Variants in ARHGAP39 observed in about 807,000 individuals in gnomAD.
ARHGAP39 encodes Rho GTPase activating protein 39.
A neutral mutation model predicts 106.9 loss-of-function variants in ARHGAP39; 44 were observed. The ratio of observed to expected loss-of-function variants is 0.41; its 90% CI spans 0.32 to 0.53. The LOEUF (loss-of-function observed/expected upper bound fraction) is 0.53, where lower values mean the gene tolerates loss of function less well. Among genes scored for constraint, ARHGAP39 ranks in the 20% least tolerant of loss-of-function variants. The pLI is 0.21. For missense variants in ARHGAP39, 1,496 were observed against 1,577.3 expected, an observed-to-expected ratio of 0.95 and a Z score of 0.87; for synonymous variants, 768 against 693.2, an observed-to-expected ratio of 1.11 and a Z score of -1.69.
At chr8:144,693,619 C>G in the ARHGAP39 span, among the ~76,000 whole-genome samples, 1 of 151,758 alleles carries the variant, frequency 6.6e-6, no homozygotes, top group Non-Finnish European at 1.5e-5. Context: ...GTGATCCACC[C>G]GCCTCGGCCT....
intron 1 of ARHGAP39, among the ~76,000 whole-genome samples, chr8:144,669,380 G>A (rs1252849338): frequency 1.4e-4 from 19 of 140,414 alleles, no homozygotes; most frequent in Middle Eastern, 7.4e-3. Context: ...GGTGGCGGGC[G>A]CCTGTAGTCC....
chr8:144,574,175 A>T (rs1345940653), intron 3 of ARHGAP39, among the ~76,000 whole-genome samples: 1 of 144,388 alleles, frequency 6.9e-6, no homozygotes, highest in South Asian at 2.1e-4. Flanking sequence ...AAAGGGAAGA[A>T]GATGAAGATG....
At chr8:144,596,174 G>A (rs544058559) in intron 2 of ARHGAP39, among the ~76,000 whole-genome samples, 4 of 152,268 alleles carry the variant, frequency 2.6e-5, no homozygotes, top group South Asian at 2.1e-4. Context: ...TGGCCACCCC[G>A]GCGCTGTCCA....
At chr8:144,538,216 G>A (rs1245524199) in intron 6 of ARHGAP39, among the ~76,000 whole-genome samples, 2 of 152,250 alleles carry the variant, frequency 1.3e-5, no homozygotes, top group African/African-American at 4.8e-5. Flanking sequence ...ACAAGTGGGC[G>A]AAGGCAGCTG....
intron 3 of ARHGAP39, among the ~76,000 whole-genome samples, chr8:144,570,329 G>A (rs1040064683): frequency 2.6e-5 from 4 of 152,142 alleles, no homozygotes; most frequent in Non-Finnish European, 5.9e-5. Flanking sequence ...TCAATGACTG[G>A]AACAATCCTG....
Position 144,530,324 on chromosome 8 carries a change from TG to T in ARHGAP39, c.*97del. 1.5e-6 allele frequency: 2 copies of T among 1,347,014 alleles called. No individual in the cohort carries two copies. The highest frequency in any genetic ancestry group is 2.0e-6 in the Non-Finnish European group (2 of 989,184). 83.4% of individuals were successfully genotyped at this position (1,347,014 alleles called of 1,614,324 possible). A position where few individuals can be genotyped will look rare whatever the true frequency, so the allele number is the denominator to read the frequency against. On this transcript the variant is annotated 3_prime_UTR_variant, in exon 12 of 12. Transcript: ENST00000377307. ...GGGGGAGTGGAGGGGGCTCCAGGGC[TG>T]GGCCGGGCGATTCTGGCCCCTCTGC...
intron 2 of ARHGAP39, among the ~76,000 whole-genome samples, chr8:144,595,833 G>T (rs566608545): frequency 6.6e-6 from 1 of 152,266 alleles, no homozygotes; most frequent in South Asian, 2.1e-4. Context: ...TACAGCCTCT[G>T]CCAGGGGCGC....
At chr8:144,588,087 G>C (rs962253440) in intron 2 of ARHGAP39, among the ~76,000 whole-genome samples, 4 of 152,266 alleles carry the variant, frequency 2.6e-5, no homozygotes, top group Non-Finnish European at 5.9e-5. Context: ...AGCTGGGGTA[G>C]ACAGAGCCAG....
chr8:144,695,137 C>G, the ARHGAP39 span, among the ~76,000 whole-genome samples: 1 of 70,926 alleles, frequency 1.4e-5, no homozygotes, highest in Non-Finnish European at 2.9e-5. Flanking sequence ...TGCAGTTGCG[C>G]TATCTCAGCT....
rs1822324773 is a variant in ARHGAP39 at position 144,679,228 on chromosome 8, C to A, written c.-82+6458G>T. 6.6e-6 allele frequency among the ~76,000 whole-genome samples: 1 copy of A among 152,216 alleles called. No individual in the cohort carries two copies. Among genetic ancestry groups the A allele is most frequent in the Admixed American group, 6.5e-5 (1 of 15,282 alleles). On this transcript the variant is annotated intron_variant, in intron 1 of 11. Coordinates refer to ENST00000377307, the MANE Select transcript of ARHGAP39 (RefSeq NM_025251.3). This position sits in a 1 kb window ranked among gnomAD's most constrained non-coding sequence, Gnocchi z 4.7. Reference sequence around the variant, plus strand: ...AGTCATGGTGAGATGGCCCAGACAGCAGGTACGGGCTCCTCAGCTCTGCTC... The same window carrying A: ...AGTCATGGTGAGATGGCCCAGACAGAAGGTACGGGCTCCTCAGCTCTGCTC...
rs753936346 is a variant in ARHGAP39, at chr8:144,547,337, A to G, written c.1749T>C (p.Ser583=). Residue 583 remains serine, a synonymous_variant, in exon 5 of 12, where the codon TCT becomes TCC. Transcript: ENST00000377307. The surrounding 1 kb of genome is among the most constrained non-coding windows in gnomAD (Gnocchi z 5.2). ...RSSWDSQQDG[S]GYESDGALPL... is the part of the protein sequence containing the mutation. The stretch of plus-strand genomic sequence containing the variant: ...GCAGGGCGCCGTCGCTCTCGTAGCC[A>G]GAGCCGTCCTGCTGGGAGTCCCAGC... The G allele has an allele frequency of 3.1e-6, 5 of 1,607,398 alleles. No homozygotes were observed. The Admixed American group carries it at 8.4e-5, about 27-fold the overall frequency.
chr8:144,651,076 G>T (rs776259691), intron 1 of ARHGAP39, among the ~76,000 whole-genome samples: 7 of 152,010 alleles, frequency 4.6e-5, no homozygotes, highest in Non-Finnish European at 7.4e-5. Context: ...AAAAATCAAT[G>T]TCCAAAAAAT....
In ARHGAP39 at chr8:144,602,536, C is replaced by T. The variant is rs1820057787; in HGVS notation, c.80+2999G>A. Among the ~76,000 whole-genome samples the T allele has an allele frequency of 3.0e-5, 3 of 100,852 alleles. No homozygotes were observed. The Admixed American group carries it at 3.4e-4, about 11-fold the overall frequency. 66.2% of individuals were successfully genotyped at this position (100,852 alleles called of 152,430 possible). ...GAGGCGTGCATGTGTGCTCGTGTAC[C>T]TGTGTGTGCATGGAGGCGTGCGTGC... On this transcript the variant is annotated intron_variant, in intron 2 of 11. Coordinates refer to ENST00000377307, the MANE Select transcript of ARHGAP39 (RefSeq NM_025251.3).
chr8:144,591,961 GC>G lies in ARHGAP39; in HGVS notation c.81-10685del, dbSNP rs1316972159. Among the ~76,000 whole-genome samples, 1 of 152,096 alleles carries G rather than the reference GC, an allele frequency of 6.6e-6. No individual in the cohort carries two copies. ...GAGTGGTGCCTGATCTCCTGTTCTC[GC>G]GTCACTTCTGTTAGATTTTAGCAGA... is the stretch of plus-strand genomic sequence containing the variant. On this transcript the variant is annotated intron_variant, in intron 2 of 11. Coordinates refer to ENST00000377307, the MANE Select transcript of ARHGAP39 (RefSeq NM_025251.3). The surrounding 1 kb of genome is among the most constrained non-coding windows in gnomAD (Gnocchi z 5.3).
At chr8:144,648,162 C>G (rs578118974) in intron 1 of ARHGAP39, among the ~76,000 whole-genome samples, 1 of 152,098 alleles carries the variant, frequency 6.6e-6, no homozygotes, top group African/African-American at 2.4e-5. Flanking sequence ...AGCTGCTCCA[C>G]GGCCCCAGCT....
the ARHGAP39 span, among the ~76,000 whole-genome samples, chr8:144,699,814 C>G: frequency 1.3e-5 from 2 of 152,112 alleles, no homozygotes; most frequent in Non-Finnish European, 2.9e-5. Flanking sequence ...CTGGAGCCCC[C>G]AGTCACAGCG....
At chr8:144,600,546 CT>C (rs1187821988) in intron 2 of ARHGAP39, among the ~76,000 whole-genome samples, 1 of 143,928 alleles carries the variant, frequency 6.9e-6, no homozygotes, top group Non-Finnish European at 1.5e-5. Context: ...ACTTGTGTAC[CT>C]GAGTGTGCGT....
At chr8:144,633,219 G>A (rs1032993432) in intron 1 of ARHGAP39, among the ~76,000 whole-genome samples, 5 of 152,186 alleles carry the variant, frequency 3.3e-5, no homozygotes, top group Non-Finnish European at 7.3e-5. Context: ...AGCACTTCGG[G>A]AAGCCGAGGC....
chr8:144,627,391 A>G (rs138688546), intron 1 of ARHGAP39, among the ~76,000 whole-genome samples: 2,889 of 152,160 alleles, frequency 0.019, 96 homozygotes, highest in African/African-American at 0.067. Flanking sequence ...TCTCTACTAA[A>G]AATACAAGAA....
Sources: gnomAD v4.1 joint callset for allele counts (sites outside exome capture counted in the v4.1 genomes callset) on GRCh38, gnomAD v4.1.1 for gene constraint, Gnocchi (gnomAD v3.1) non-coding constraint, MANE v1.5 for transcripts, NCBI Gene and HGNC (gene_info 2026-07-23, HGNC 2026-07-21) for gene names.